The following TRIM63 variants were observed in gnomAD, a reference collection of about 807,000 sequenced individuals.
TRIM63 encodes tripartite motif containing 63.
TRIM63 carries 48 observed loss-of-function variants against 46.0 expected under a neutral mutation model. The observed-to-expected ratio is 1.04, with a 90% CI of 0.83 to 1.33. The LOEUF (loss-of-function observed/expected upper bound fraction) is 1.33, where lower values mean the gene tolerates loss of function less well. TRIM63 is among the 40% of genes most tolerant of loss of function. The pLI is 0.00. For synonymous variants in TRIM63, 175 were observed against 162.8 expected (o/e 1.08, Z -0.57); for missense variants, 455 against 441.2 (o/e 1.03, Z -0.28).
chr1:26,058,915 C>T (rs2050597445), intron 4 of TRIM63, among the ~76,000 whole-genome samples: 2 of 152,092 alleles, frequency 1.3e-5, no homozygotes, highest in Admixed American at 1.3e-4. Context: ...TTCCTTGTTC[C>T]TGCACCCTCC....
At chr1:26,053,805 T>A (rs2050543552) in intron 8 of TRIM63, 88 bp downstream of exon 8, 1 of 1,030,666 alleles carries the variant, frequency 9.7e-7, no homozygotes, top group Admixed American at 2.1e-5. Flanking sequence ...TGCCAATGTC[T>A]AACACAGTGC....
intron 7 of TRIM63, among the ~76,000 whole-genome samples, chr1:26,056,351 A>G (rs571538448): frequency 9.8e-5 from 15 of 152,330 alleles, no homozygotes; most frequent in East Asian, 3.9e-4. Context: ...ATGTTGATCA[A>G]TTAAGGTGCC....
At position 26,057,612 on chromosome 1, in the gene TRIM63, C is replaced by A; in HGVS notation, c.854+16G>T. The stretch of plus-strand genomic sequence containing the variant: ...GAACTAGGTGCTTGGATCATAGCCT[C>A]TAGGAAGACACTGACCTTTTGATGA... On this transcript the variant is annotated intron_variant, in intron 6 of 8. Coordinates refer to ENST00000374272, the MANE Select transcript of TRIM63 (RefSeq NM_032588.4). 2 of 1,609,716 alleles carry A rather than the reference C, an allele frequency of 1.2e-6. No homozygotes were observed. Among genetic ancestry groups the A allele is most frequent in the Non-Finnish European group, 8.5e-7 (1 of 1,177,998 alleles).
chr1:26,064,079 T>C (rs1023774872), intron 2 of TRIM63, among the ~76,000 whole-genome samples: 3 of 152,202 alleles, frequency 2.0e-5, no homozygotes, highest in Non-Finnish European at 4.4e-5. Flanking sequence ...GCGCATTACC[T>C]GAGGTCAGAA....
chr1:26,059,092 T>C (rs1418411027), intron 4 of TRIM63, among the ~76,000 whole-genome samples: 1 of 149,434 alleles, frequency 6.7e-6, no homozygotes, highest in Admixed American at 6.8e-5. Flanking sequence ...TGGTGCGATC[T>C]TGGCTCACTG....
intron 8 of TRIM63, among the ~76,000 whole-genome samples, chr1:26,052,150 T>C (rs1360959421): frequency 6.6e-6 from 1 of 152,216 alleles, no homozygotes; most frequent in Non-Finnish European, 1.5e-5. Flanking sequence ...AAAAATAACA[T>C]TTGCAAGCAT....
At chr1:26,061,086 A>G in intron 3 of TRIM63, 80 bp downstream of exon 3, 1 of 1,470,824 alleles carries the variant, frequency 6.8e-7, no homozygotes, top group Non-Finnish European at 9.3e-7. Context: ...GCAGATCTAC[A>G]GGGATCAAAT....
chr1:26,067,038 AC>A (rs1157974432), intron 1 of TRIM63, among the ~76,000 whole-genome samples: 1 of 151,134 alleles, frequency 6.6e-6, no homozygotes, highest in Non-Finnish European at 1.5e-5. Context: ...GTCCCTGCCT[AC>A]CCCGCTTATC....
At chr1:26,059,364 C>T (rs75460755) in intron 4 of TRIM63, among the ~76,000 whole-genome samples, 1 of 152,032 alleles carries the variant, frequency 6.6e-6, no homozygotes, top group African/African-American at 2.4e-5. Flanking sequence ...GCTGTGTGAC[C>T]TTCAACAAAT....
At position 26,058,523 on chromosome 1, in the gene TRIM63, T is replaced by A; in HGVS notation, c.698A>T (p.Gln233Leu). 1 of 1,614,202 alleles carries A rather than the reference T, an allele frequency of 6.2e-7. No individual in the cohort carries two copies. The highest frequency in any genetic ancestry group is 8.5e-7 in the Non-Finnish European group (1 of 1,180,016). The change falls in exon 5 of 9, where the codon CAG (glutamine) becomes CTG (leucine). Residue 233 changes from glutamine to leucine, a missense_variant. Gln to Leu is a moderately radical substitution (Grantham distance 113, BLOSUM62 -2). Coordinates refer to ENST00000374272, the MANE Select transcript of TRIM63 (RefSeq NM_032588.4). ...KKSELLQRIT[Q>L]EQEKKLSFIE... ...GAAGCTAAGCTTTTTCTCCTGCTCC[T>A]GCGTGATCCGCTGCAGCAACTCACT...
chr1:26,065,740 C>T (rs2050671180), intron 2 of TRIM63, among the ~76,000 whole-genome samples: 1 of 152,242 alleles, frequency 6.6e-6, no homozygotes, highest in African/African-American at 2.4e-5. Flanking sequence ...TCTTTCACTT[C>T]CCAGCTGGGA....
intron 4 of TRIM63, among the ~76,000 whole-genome samples, chr1:26,059,520 C>T (rs957334195): frequency 1.3e-5 from 2 of 152,152 alleles, no homozygotes; most frequent in East Asian, 3.9e-4. Context: ...TCAACCGAAG[C>T]TCCCTTCTCT....
intron 1 of TRIM63, 62 bp from the exon 2 acceptor site, chr1:26,066,502 TCTC>T: frequency 2.8e-6 from 4 of 1,420,044 alleles, no homozygotes; most frequent in Non-Finnish European, 2.8e-6. Flanking sequence ...TCTTTTCTAA[TCTC>T]CTCTTATCCT....
chr1:26,055,749 G>A (rs1265570390), intron 7 of TRIM63, among the ~76,000 whole-genome samples: 1 of 152,074 alleles, frequency 6.6e-6, no homozygotes, highest in South Asian at 2.1e-4. Flanking sequence ...GACCTCAGGT[G>A]ATCCACCTGC....
At position 26,067,597 on chromosome 1, in the gene TRIM63, C is replaced by T; in HGVS notation, c.-103G>A. The stretch of plus-strand genomic sequence containing the variant: ...TTTGTCACAAAACACCGGGTCGGAT[C>T]CTGTTGGCTTCCTTCTCCTGGTGCC... On this transcript the variant is annotated 5_prime_UTR_variant, in exon 1 of 9. Transcript: ENST00000374272. 7.5e-6 allele frequency: 10 copies of T among 1,329,332 alleles called. No homozygotes were observed. The South Asian group carries it at 1.4e-4, about 19-fold the overall frequency. The allele number at this position is 1,329,332 out of a possible 1,614,324, so 82.3% of individuals were successfully genotyped here.
At chr1:26,062,099 C>G (rs1440246958) in intron 2 of TRIM63, among the ~76,000 whole-genome samples, 1 of 152,018 alleles carries the variant, frequency 6.6e-6, no homozygotes, top group African/African-American at 2.4e-5. Context: ...GAAACCCCGT[C>G]TCTACTAAAA....
intron 4 of TRIM63, 29 bp from the exon 5 acceptor site, chr1:26,058,652 C>A (rs2124438866): frequency 1.3e-6 from 2 of 1,598,022 alleles, no homozygotes; most frequent in Non-Finnish European, 1.7e-6. Flanking sequence ...TGGTCACGTT[C>A]TGTAGGGTCT....
At chr1:26,052,109 A>C (rs574585472) in intron 8 of TRIM63, among the ~76,000 whole-genome samples, 1 of 152,354 alleles carries the variant, frequency 6.6e-6, no homozygotes, top group Non-Finnish European at 1.5e-5. Flanking sequence ...TTTCAACTGG[A>C]TTGGAATTTA....
intron 7 of TRIM63, among the ~76,000 whole-genome samples, chr1:26,056,208 A>G (rs778261934): frequency 1.3e-5 from 2 of 152,108 alleles, no homozygotes; most frequent in South Asian, 2.1e-4. Context: ...CCTTTAGCAA[A>G]TTAACATATT....
Sources: allele counts gnomAD v4.1 joint callset (sites outside exome capture counted in the v4.1 genomes callset), GRCh38; gene constraint gnomAD v4.1.1; transcripts MANE v1.5; gene names NCBI Gene and HGNC (gene_info 2026-07-23, HGNC 2026-07-21).